Variants in BDP1 observed in about 807,000 individuals in gnomAD.
The protein encoded by BDP1 is transcription factor TFIIIB component B'' homolog.
A neutral mutation model predicts 266.6 loss-of-function variants in BDP1; 169 were observed. The observed-to-expected ratio is 0.63, with a 90% CI of 0.56 to 0.72. BDP1 has a LOEUF of 0.72. BDP1 is among the 30% of genes least tolerant of loss of function. BDP1 has a pLI of 0.00. For synonymous variants in BDP1, 1,090 were observed against 1,022.4 expected (o/e 1.07, Z -1.26); for missense variants, 3,015 against 3,053.8 (o/e 0.99, Z 0.30).
chr5:71,495,492 C>A, intron 12 of BDP1, 84 bp downstream of exon 12: 2 of 845,830 alleles, frequency 2.4e-6, no homozygotes, highest in South Asian at 2.5e-5. Context: ...TTTAGGGATT[C>A]GAGGGGATTA....
At chr5:71,551,205 G>A (rs1466063219) in intron 34 of BDP1, among the ~76,000 whole-genome samples, 8 of 152,122 alleles carry the variant, frequency 5.3e-5, no homozygotes, top group African/African-American at 1.9e-4. Context: ...GGGAAGGTCA[G>A]CAGATAAACA....
intron 35 of BDP1, among the ~76,000 whole-genome samples, chr5:71,554,152 G>A (rs1376509119): frequency 6.6e-6 from 1 of 152,152 alleles, no homozygotes. Context: ...GAGCAAGTGT[G>A]CTTTTATATA....
In BDP1 at chr5:71,566,627, A is replaced by G. The variant is rs1744050103; in HGVS notation, c.*1742A>G. Reference sequence around the variant, plus strand: ...TCTGTGGCAGCTACTCAGCTCTGCAATTTCAGTGTGAAAGAAGCCATAGAC... The same window carrying G: ...TCTGTGGCAGCTACTCAGCTCTGCAGTTTCAGTGTGAAAGAAGCCATAGAC... On this transcript the variant is annotated 3_prime_UTR_variant, in exon 39 of 39. Coordinates refer to ENST00000358731, the MANE Select transcript of BDP1 (RefSeq NM_018429.3). 2 of 152,172 alleles carry G rather than the reference A, an allele frequency of 1.3e-5. No individual in the cohort carries two copies. Among genetic ancestry groups the G allele is most frequent in the Admixed American group, 6.5e-5 (1 of 15,284 alleles). 9.4% of individuals were successfully genotyped at this position (152,172 alleles called of 1,614,324 possible). A position where few individuals can be genotyped will look rare whatever the true frequency, so the allele number is the denominator to read the frequency against.
At chr5:71,574,114 A>G in the BDP1 span, among the ~76,000 whole-genome samples, 1 of 152,232 alleles carries the variant, frequency 6.6e-6, no homozygotes, top group African/African-American at 2.4e-5. Flanking sequence ...AGTGCAAGCA[A>G]TGGCTAATTT....
chr5:71,510,968 G>A lies in BDP1; in HGVS notation c.3876G>A (p.Glu1292=). The A allele has an allele frequency of 1.9e-6, 3 of 1,614,138 alleles. No homozygotes were observed. Among genetic ancestry groups the A allele is most frequent in the Non-Finnish European group, 2.5e-6 (3 of 1,180,010 alleles). The change falls in exon 17 of 39, where the codon GAG becomes GAA. Residue 1292 remains glutamate, a synonymous_variant. Coordinates refer to ENST00000358731, the MANE Select transcript of BDP1 (RefSeq NM_018429.3). The part of the protein sequence containing the change: ...LKETGKENFR[E]RGSEEICVTE... ...AAACTGGAAAAGAAAATTTTAGAGA[G>A]AGAGGATCTGAAGAGATCTGTGTTA...
At chr5:71,577,323 C>A in the BDP1 span, among the ~76,000 whole-genome samples, 1 of 152,182 alleles carries the variant, frequency 6.6e-6, no homozygotes, top group Non-Finnish European at 1.5e-5. Context: ...GTTGTGATGT[C>A]CTCTGTAGCT....
At chr5:71,553,077 C>T (rs904340576) in intron 34 of BDP1, 39 bp from the exon 35 acceptor site, 4 of 1,468,626 alleles carry the variant, frequency 2.7e-6, no homozygotes, top group Admixed American at 1.9e-5. Flanking sequence ...TAAATAACTT[C>T]TAATTCAGTA....
At chr5:71,493,840 C>A (rs1021723301) in intron 11 of BDP1, among the ~76,000 whole-genome samples, 5 of 152,100 alleles carry the variant, frequency 3.3e-5, no homozygotes, top group Admixed American at 3.3e-4. Flanking sequence ...TAGAAATTAG[C>A]GGGCAAAGAT....
chr5:71,486,695 G>T (rs543758065), intron 9 of BDP1, 68 bp downstream of exon 9: 5 of 1,282,646 alleles, frequency 3.9e-6, no homozygotes, highest in African/African-American at 1.6e-5. Flanking sequence ...TGTCCCTCAG[G>T]CCTTTGAGAG....
chr5:71,549,517 T>C lies in BDP1; in HGVS notation c.6906T>C (p.Thr2302=). Residue 2302 remains threonine (T), a synonymous_variant, in exon 34 of 39, where the codon ACT becomes ACC. Coordinates refer to ENST00000358731, the MANE Select transcript of BDP1 (RefSeq NM_018429.3). ...CAGCCAATGCAGTAGAAGAATTTAC[T>C]GATGCCACTGCACAGTTCATGCCAA... ...EIPANAVEEF[T]DATAQFMPNP... is the part of the protein sequence containing the mutation. 1.2e-6 allele frequency: 2 copies of C among 1,614,170 alleles called. No homozygotes were observed. The highest frequency in any genetic ancestry group is 1.3e-5 in the African/African-American group (1 of 75,054).
Position 71,486,490 on chromosome 5 carries a change from A to G in BDP1, c.1076A>G (p.Lys359Arg), listed in dbSNP as rs762558405. 1 of 1,539,934 alleles carries G rather than the reference A, an allele frequency of 6.5e-7. No homozygotes were observed. Among genetic ancestry groups the G allele is most frequent in the Non-Finnish European group, 8.6e-7 (1 of 1,156,914 alleles). Residue 359 changes from lysine to arginine, a missense_variant, in exon 9 of 39, where the codon AAG becomes AGG. Transcript: ENST00000358731. ...TTTCCTTTTCTTTAAACAGAGGAAA[A>G]GCGCCCTTTTGACTTCGATTTTTTT... ...GWRIDKAFQEKRPFDFDFFAH... is the reference protein window; with the variant it reads ...GWRIDKAFQERRPFDFDFFAH...
chr5:71,514,842 C>T (rs1765136699), intron 19 of BDP1, 102 bp from the exon 20 acceptor site: 1 of 731,120 alleles, frequency 1.4e-6, no homozygotes, highest in Admixed American at 3.7e-5. Flanking sequence ...GTATAGACTA[C>T]CCTATTATTC....
At chr5:71,525,360 C>T in intron 25 of BDP1, among the ~76,000 whole-genome samples, 1 of 146,696 alleles carries the variant, frequency 6.8e-6, no homozygotes, top group African/African-American at 2.5e-5. Context: ...CACCCCTCAC[C>T]TCCCGGATGG....
In BDP1 at chr5:71,504,637, A is replaced by T; in HGVS notation, c.2258A>T (p.Glu753Val). The T allele has an allele frequency of 1.2e-6, 2 of 1,613,340 alleles. No individual in the cohort carries two copies. The highest frequency in any genetic ancestry group is 8.5e-7 in the Non-Finnish European group (1 of 1,179,674). ...GTTTTTAAGACTCCTCAACACATGG[A>T]AGATCAATCGCGTAAAGATTTTGAA... is the stretch of plus-strand genomic sequence containing the variant. ...CADRDTPQHM[E>V]DQSRKDFEEE... The change falls in exon 16 of 39, where the codon GAA becomes GTA. Residue 753 changes from glutamate (E) to valine (V), a missense_variant. Physicochemically the swap from Glu to Val is moderately radical, Grantham distance 121. Around this residue, in one of 3 missense-constraint regions of BDP1, gnomAD observed 2,383 missense variants for 2,404.9 expected, o/e 0.99. Transcript: ENST00000358731.
chr5:71,455,750 C>T lies in BDP1; in HGVS notation c.-128C>T. ...CGGCGGGGCAGTGAAACTACGGTAG[C>T]TGCCCCCTGAGCTGGTGGTGTGGCT... On this transcript the variant is annotated 5_prime_UTR_variant, in exon 1 of 39. Coordinates refer to ENST00000358731, the MANE Select transcript of BDP1 (RefSeq NM_018429.3). The T allele has an allele frequency of 1.3e-6, 1 of 775,650 alleles. No homozygotes were observed. Among genetic ancestry groups the T allele is most frequent in the Non-Finnish European group, 2.0e-6 (1 of 488,770 alleles). 48.0% of individuals were successfully genotyped at this position (775,650 alleles called of 1,614,324 possible).
chr5:71,492,582 G>A (rs1763658039), intron 11 of BDP1, among the ~76,000 whole-genome samples: 2 of 151,984 alleles, frequency 1.3e-5, no homozygotes, highest in African/African-American at 4.8e-5. Flanking sequence ...TTTTTAATTA[G>A]GTTATTTTCT....
intron 34 of BDP1, among the ~76,000 whole-genome samples, chr5:71,551,913 C>A (rs1221594870): frequency 1.3e-5 from 2 of 149,892 alleles, no homozygotes; most frequent in Admixed American, 6.6e-5. Context: ...CTGACCCCCC[C>A]ACCTCCCTCC....
At chr5:71,462,002 ACCCG>A (rs1191305614) in intron 3 of BDP1, 76 bp downstream of exon 3, 3 of 802,956 alleles carry the variant, frequency 3.7e-6, no homozygotes, top group Non-Finnish European at 6.0e-6. Flanking sequence ...TCGCTCTGTC[ACCCG>A]GGCTGGAGTG....
chr5:71,465,955 A>G, intron 4 of BDP1, 141 bp from the exon 5 acceptor site: 1 of 799,254 alleles, frequency 1.3e-6, no homozygotes, highest in Non-Finnish European at 1.9e-6. Flanking sequence ...GTCCTTAATA[A>G]CACATACTGT....
Sources: allele counts gnomAD v4.1 joint callset (sites outside exome capture counted in the v4.1 genomes callset), GRCh38; gene constraint gnomAD v4.1.1; regional missense constraint gnomAD v4.1.1; transcripts MANE v1.5; gene names NCBI Gene and HGNC (gene_info 2026-07-23, HGNC 2026-07-21).